Variants in FBXW7 observed in about 807,000 individuals in gnomAD.
The protein encoded by FBXW7 is F-box/WD repeat-containing protein 7.
In FBXW7, 11 loss-of-function variants were observed where a neutral mutation model predicts 86.3. The ratio of observed to expected loss-of-function variants is 0.13; its 90% CI spans 0.08 to 0.21. The LOEUF is 0.21. Ranked by LOEUF, FBXW7 falls within the 10% of genes least tolerant of loss-of-function variation. The pLI is 1.00. For missense variants in FBXW7, 488 were observed against 847.4 expected (o/e 0.58, Z 5.27); for synonymous variants, 313 against 297.9 (o/e 1.05, Z -0.52).
intron 4 of FBXW7, among the ~76,000 whole-genome samples, chr4:152,374,309 T>C (rs763701030): frequency 9.9e-5 from 15 of 152,080 alleles, no homozygotes; most frequent in Non-Finnish European, 1.8e-4. Flanking sequence ...GGAGCTACTC[T>C]AGACTCCCAA....
chr4:152,531,182 TTAACTA>T (rs1212615238), intron 2 of FBXW7, among the ~76,000 whole-genome samples: 1 of 152,184 alleles, frequency 6.6e-6, no homozygotes, highest in East Asian at 1.9e-4. Context: ...GTAAATAACA[TTAACTA>T]TAAGTGGCTG....
intron 4 of FBXW7, among the ~76,000 whole-genome samples, chr4:152,357,047 T>A (rs552437630): frequency 1.3e-5 from 2 of 152,142 alleles, no homozygotes; most frequent in African/African-American, 4.8e-5. Flanking sequence ...TTCTAAAAAA[T>A]TTTTGAGAAC....
chr4:152,463,652 GA>G (rs1421931290), intron 2 of FBXW7, among the ~76,000 whole-genome samples: 3 of 152,192 alleles, frequency 2.0e-5, no homozygotes, highest in African/African-American at 7.2e-5. Flanking sequence ...CATTGTACAA[GA>G]CAAACTTTCC....
At chr4:152,383,584 A>G (rs536927150) in intron 4 of FBXW7, among the ~76,000 whole-genome samples, 1 of 152,232 alleles carries the variant, frequency 6.6e-6, no homozygotes, top group South Asian at 2.1e-4. Flanking sequence ...TTCTTCCAAC[A>G]GCCAGTCAGC....
At chr4:152,516,469 G>A (rs963760000) in intron 2 of FBXW7, among the ~76,000 whole-genome samples, 8 of 152,128 alleles carry the variant, frequency 5.3e-5, no homozygotes, top group African/African-American at 1.2e-4. Flanking sequence ...CCGCATCCAC[G>A]GAAAAACTGT....
At chr4:152,485,780 A>C (rs1430182640) in intron 2 of FBXW7, among the ~76,000 whole-genome samples, 19 of 152,170 alleles carry the variant, frequency 1.2e-4, no homozygotes, top group Non-Finnish European at 1.5e-5. Context: ...CACAAAGCAA[A>C]CTGGTGCTAT....
intron 2 of FBXW7, among the ~76,000 whole-genome samples, chr4:152,464,248 T>C (rs1743212020): frequency 6.6e-6 from 1 of 151,966 alleles, no homozygotes; most frequent in African/African-American, 2.4e-5. Flanking sequence ...TTGGAGATAA[T>C]GGGAAGGAAG....
intron 8 of FBXW7, among the ~76,000 whole-genome samples, chr4:152,332,338 T>C (rs1317952620): frequency 1.3e-5 from 2 of 152,146 alleles, no homozygotes; most frequent in Non-Finnish European, 2.9e-5. Flanking sequence ...CGGGGTTTCC[T>C]TTAAGTCATC....
intron 2 of FBXW7, among the ~76,000 whole-genome samples, chr4:152,491,271 T>G (rs1179900113): frequency 1.3e-5 from 2 of 152,160 alleles, no homozygotes; most frequent in Admixed American, 1.3e-4. Flanking sequence ...CTCTTCAATT[T>G]GGGTATCCTT....
At chr4:152,407,456 G>C (rs956791736) in intron 4 of FBXW7, among the ~76,000 whole-genome samples, 4 of 152,176 alleles carry the variant, frequency 2.6e-5, no homozygotes, top group Admixed American at 1.3e-4. Flanking sequence ...AGGTAGACTA[G>C]GCCAGGGACT....
intron 2 of FBXW7, among the ~76,000 whole-genome samples, chr4:152,474,956 G>A (rs1049690870): frequency 4.9e-4 from 75 of 152,092 alleles, no homozygotes; most frequent in African/African-American, 1.5e-3. Context: ...GAGCCACCAC[G>A]CCCGGCATGG....
At chr4:152,510,273 A>C (rs1224267736) in intron 2 of FBXW7, among the ~76,000 whole-genome samples, 1 of 152,190 alleles carries the variant, frequency 6.6e-6, no homozygotes, top group East Asian at 1.9e-4. Flanking sequence ...CTTTCAAGTA[A>C]AGTTATGTCA....
At chr4:152,466,878 C>G (rs886480586) in intron 2 of FBXW7, among the ~76,000 whole-genome samples, 2 of 152,072 alleles carry the variant, frequency 1.3e-5, no homozygotes, top group Admixed American at 1.3e-4. Flanking sequence ...GGAGGCAGAG[C>G]TGGCAGTGAG....
intron 2 of FBXW7, among the ~76,000 whole-genome samples, chr4:152,440,191 T>TA (rs1278845128): frequency 6.6e-6 from 1 of 152,168 alleles, no homozygotes; most frequent in Non-Finnish European, 1.5e-5. Context: ...CTATGTCTTC[T>TA]AAAAAAATTT....
intron 2 of FBXW7, among the ~76,000 whole-genome samples, chr4:152,460,333 A>G (rs1158029110): frequency 6.6e-6 from 1 of 152,224 alleles, no homozygotes; most frequent in African/African-American, 2.4e-5. Context: ...CAGCATCATA[A>G]TTTTTGCTTC....
chr4:152,367,692 A>G (rs1392655659), intron 4 of FBXW7, among the ~76,000 whole-genome samples: 1 of 152,174 alleles, frequency 6.6e-6, no homozygotes. Context: ...CGTAGTCAAC[A>G]CTATACACAC....
chr4:152,422,665 A>G (rs1033926191), intron 2 of FBXW7, among the ~76,000 whole-genome samples: 5 of 152,188 alleles, frequency 3.3e-5, no homozygotes, highest in African/African-American at 1.2e-4. Context: ...TTTATACCTT[A>G]GCATATTAAG....
At chr4:152,479,114 T>C (rs1744658556) in intron 2 of FBXW7, among the ~76,000 whole-genome samples, 1 of 152,128 alleles carries the variant, frequency 6.6e-6, no homozygotes, top group South Asian at 2.1e-4. Context: ...TGAATGTCCT[T>C]CCAAGCAAGC....
chr4:152,529,937 T>C (rs915832577), intron 2 of FBXW7, among the ~76,000 whole-genome samples: 6 of 151,508 alleles, frequency 4.0e-5, no homozygotes, highest in Admixed American at 3.9e-4. Context: ...ATGCCTGTGA[T>C]CCCAGCCACT....
Sources: allele counts gnomAD v4.1 joint callset (sites outside exome capture counted in the v4.1 genomes callset), GRCh38; gene constraint gnomAD v4.1.1; transcripts MANE v1.5; gene names NCBI Gene and HGNC (gene_info 2026-07-23, HGNC 2026-07-21).